Variants in PJA2 observed in about 807,000 individuals in gnomAD.
PJA2 encodes praja ring finger ubiquitin ligase 2, also known as E3 ubiquitin-protein ligase Praja-2.
In PJA2, 25 loss-of-function variants were observed where a neutral mutation model predicts 69.3. The observed-to-expected ratio is 0.36, with a 90% CI of 0.26 to 0.50. The LOEUF (loss-of-function observed/expected upper bound fraction) is 0.50. PJA2 is among the 20% of genes least tolerant of loss of function. PJA2 has a pLI of 0.96. For synonymous variants in PJA2, 308 were observed against 277.8 expected, an observed-to-expected ratio of 1.11 and a Z score of -1.08; for missense variants, 809 against 830.2, an observed-to-expected ratio of 0.97 and a Z score of 0.31.
At chr5:109,372,549 C>A (rs1475630956) in intron 4 of PJA2, among the ~76,000 whole-genome samples, 4 of 152,002 alleles carry the variant, frequency 2.6e-5, no homozygotes, top group Non-Finnish European at 4.4e-5. Context: ...GCAGAGAAAT[C>A]AAAGAAAATG....
chr5:109,342,731 C>T (rs1476050122), intron 9 of PJA2, among the ~76,000 whole-genome samples: 5 of 134,954 alleles, frequency 3.7e-5, no homozygotes, highest in East Asian at 2.3e-4. Flanking sequence ...CCCGGCCAGC[C>T]GCCCCGTCCG....
chr5:109,400,866 CCA>C (rs1003400701), intron 1 of PJA2, among the ~76,000 whole-genome samples: 2 of 151,958 alleles, frequency 1.3e-5, no homozygotes, highest in African/African-American at 4.8e-5. Flanking sequence ...GCCTGTAGCC[CCA>C]GTTACTCAGG....
intron 1 of PJA2, among the ~76,000 whole-genome samples, chr5:109,401,104 C>G (rs576867332): frequency 6.6e-6 from 1 of 152,236 alleles, no homozygotes. Context: ...CTAGCATGGC[C>G]AACATGGTGA....
chr5:109,372,668 G>A (rs971307125), intron 4 of PJA2, among the ~76,000 whole-genome samples: 5 of 151,998 alleles, frequency 3.3e-5, no homozygotes, highest in Non-Finnish European at 7.4e-5. Flanking sequence ...CACTTTGGGA[G>A]GTTGAGGCAG....
intron 7 of PJA2, among the ~76,000 whole-genome samples, chr5:109,345,675 G>T (rs9942411): frequency 6.6e-5 from 10 of 152,152 alleles, no homozygotes; most frequent in African/African-American, 2.4e-4. Flanking sequence ...CTTCATGAAA[G>T]ATAAAATGTG....
At chr5:109,369,563 C>A (rs1762640543) in intron 4 of PJA2, among the ~76,000 whole-genome samples, 1 of 152,166 alleles carries the variant, frequency 6.6e-6, no homozygotes, top group Non-Finnish European at 1.5e-5. Flanking sequence ...TATATACTGA[C>A]AACTAATGAC....
intron 1 of PJA2, among the ~76,000 whole-genome samples, chr5:109,404,338 T>A (rs900620619): frequency 1.3e-4 from 19 of 151,604 alleles, no homozygotes; most frequent in Admixed American, 3.9e-4. Context: ...CTGGCCAACA[T>A]GGTAAAACCC....
rs1381282696 is a variant in PJA2, at chr5:109,337,270, A to T, written c.2088T>A (p.Asp696Glu). 6.2e-7 allele frequency: 1 copy of T among 1,613,894 alleles called. No individual in the cohort carries two copies. The highest frequency in any genetic ancestry group is 1.1e-5 in the South Asian group (1 of 91,058). The part of the protein sequence containing the change: ...SAAPSSEPDP[D>E]APPSNDSIAE... Reference sequence around the variant, plus strand: ...CAATACTGTCATTTGAAGGTGGGGCATCAGGATCAGGCTCAGAGGAAGGAG... The same window carrying T: ...CAATACTGTCATTTGAAGGTGGGGCTTCAGGATCAGGCTCAGAGGAAGGAG... Residue 696 changes from aspartate (D) to glutamate (E), a missense_variant, in exon 10 of 10, where the codon GAT (aspartate) becomes GAA (glutamate). Transcript: ENST00000361189.
intron 1 of PJA2, among the ~76,000 whole-genome samples, chr5:109,385,890 A>C (rs1299390339): frequency 6.6e-6 from 1 of 152,182 alleles, no homozygotes; most frequent in Non-Finnish European, 1.5e-5. Flanking sequence ...TGTTTCCTAC[A>C]CATCTTACAC....
Position 109,381,521 on chromosome 5 carries a change from G to T in PJA2, c.214C>A (p.Pro72Thr). The change falls in exon 3 of 10, where the codon CCA becomes ACA. Residue 72 changes from proline to threonine, a missense_variant. Physicochemically the swap from Pro to Thr is conservative, Grantham distance 38. Transcript: ENST00000361189. ...DYEVLELDDV[P>T]KENSSGSSPL... ...TACACACCTGAGGAATTTTCCTTTGGAACATCATCTAGTTCCAACACTTCA... is the reference window on the plus strand; with the variant it reads ...TACACACCTGAGGAATTTTCCTTTGTAACATCATCTAGTTCCAACACTTCA... 1 of 1,613,738 alleles carries T rather than the reference G, an allele frequency of 6.2e-7. No homozygotes were observed. Among genetic ancestry groups the T allele is most frequent in the Non-Finnish European group, 8.5e-7 (1 of 1,179,902 alleles).
At chr5:109,340,394 G>A (rs1175331395) in intron 9 of PJA2, among the ~76,000 whole-genome samples, 1 of 151,726 alleles carries the variant, frequency 6.6e-6, no homozygotes, top group Non-Finnish European at 1.5e-5. Context: ...AGGAAAGACG[G>A]AAGGAAGGAA....
chr5:109,363,850 AG>A (rs1762537300), intron 5 of PJA2, among the ~76,000 whole-genome samples: 1 of 152,152 alleles, frequency 6.6e-6, no homozygotes, highest in South Asian at 2.1e-4. Flanking sequence ...CAAAACAGGA[AG>A]AAAAAAAAGG....
intron 9 of PJA2, among the ~76,000 whole-genome samples, chr5:109,339,390 A>T (rs898709522): frequency 5.9e-5 from 9 of 152,224 alleles, no homozygotes; most frequent in Admixed American, 2.6e-4. Context: ...CTTGACCACT[A>T]CATAACCTAT....
intron 1 of PJA2, among the ~76,000 whole-genome samples, chr5:109,392,411 A>C (rs1196828456): frequency 1.3e-5 from 2 of 151,846 alleles, no homozygotes; most frequent in African/African-American, 2.4e-5. Flanking sequence ...AAATACAAAA[A>C]TTTGCCGCGC....
chr5:109,401,965 G>A (rs1747562718), intron 1 of PJA2, among the ~76,000 whole-genome samples: 1 of 152,138 alleles, frequency 6.6e-6, no homozygotes, highest in African/African-American at 2.4e-5. Context: ...AAGATAAGGA[G>A]AAATTGTAAA....
At chr5:109,355,279 T>C (rs1284134428) in intron 7 of PJA2, among the ~76,000 whole-genome samples, 1 of 152,202 alleles carries the variant, frequency 6.6e-6, no homozygotes, top group Non-Finnish European at 1.5e-5. Context: ...GAAATCACTT[T>C]GGAAATAGTG....
intron 7 of PJA2, among the ~76,000 whole-genome samples, chr5:109,345,200 A>C (rs963484737): frequency 2.5e-5 from 3 of 118,952 alleles, no homozygotes; most frequent in African/African-American, 6.4e-5. Context: ...AAAAAAAAAA[A>C]ACAAAATTAG....
chr5:109,353,275 TATC>T (rs1187140040), intron 7 of PJA2, among the ~76,000 whole-genome samples: 16 of 141,432 alleles, frequency 1.1e-4, no homozygotes, highest in East Asian at 6.3e-4. Context: ...ATACCTATAA[TATC>T]ATAGACATCT....
At chr5:109,391,486 CT>C (rs148079539) in intron 1 of PJA2, among the ~76,000 whole-genome samples, 8,797 of 149,134 alleles carry the variant, frequency 0.059, 289 homozygotes, top group African/African-American at 0.076. Flanking sequence ...CATTAGACAC[CT>C]TTTTTTTTTC....
Sources: gnomAD v4.1 joint callset for allele counts (sites outside exome capture counted in the v4.1 genomes callset) on GRCh38, gnomAD v4.1.1 for gene constraint, MANE v1.5 for transcripts, NCBI Gene and HGNC (gene_info 2026-07-23, HGNC 2026-07-21) for gene names.